MTSS1: variants seen among roughly 807,000 people sequenced by gnomAD.
The protein encoded by MTSS1 is protein MTSS 1.
A neutral mutation model predicts 79.0 loss-of-function variants in MTSS1; 18 were observed. That is an observed-to-expected ratio of 0.23 (90% confidence interval 0.16 to 0.34). The LOEUF (loss-of-function observed/expected upper bound fraction) is 0.34, where lower values mean the gene tolerates loss of function less well. MTSS1 is among the 10% of genes least tolerant of loss of function. The pLI is 1.00. For synonymous variants in MTSS1, 341 were observed against 368.6 expected (o/e 0.93, Z 0.86); for missense variants, 815 against 986.2 (o/e 0.83, Z 2.33).
chr8:124,673,316 G>T (rs975043850), intron 3 of MTSS1: 1 of 151,824 alleles, frequency 6.6e-6, no homozygotes, highest in African/African-American at 2.4e-5. Flanking sequence ...CCGGGAGGTG[G>T]AGGTTGCAGT....
intron 3 of MTSS1, among the ~76,000 whole-genome samples, chr8:124,662,760 C>T (rs1472795770): frequency 6.6e-6 from 1 of 152,056 alleles, no homozygotes; most frequent in Admixed American, 6.5e-5. Context: ...TTTGTAAGTA[C>T]CAAGACTTCC....
At chr8:124,562,073 A>G (rs1444018058) in intron 10 of MTSS1, among the ~76,000 whole-genome samples, 5 of 152,210 alleles carry the variant, frequency 3.3e-5, no homozygotes, top group Non-Finnish European at 7.3e-5. Flanking sequence ...CAAGGCCGAC[A>G]CCAACCCAAT....
intron 3 of MTSS1, among the ~76,000 whole-genome samples, chr8:124,608,839 C>T (rs906112025): frequency 1.3e-5 from 2 of 152,114 alleles, no homozygotes; most frequent in African/African-American, 4.8e-5. Flanking sequence ...AACCGCAGGA[C>T]AGTGGAAGGA....
chr8:124,618,780 C>A (rs1411318080), intron 3 of MTSS1, among the ~76,000 whole-genome samples: 2 of 152,130 alleles, frequency 1.3e-5, no homozygotes, highest in African/African-American at 2.4e-5. Context: ...TTCCCAGATA[C>A]TTGGAAAAAA....
Position 124,722,408 on chromosome 8 carries a change from C to T in MTSS1, c.72+5476G>A, listed in dbSNP as rs570169192. 2.6e-4 allele frequency among the ~76,000 whole-genome samples: 39 copies of T among 152,280 alleles called. 1 individual carries two copies. The South Asian group carries it at 5.6e-3, about 22-fold the overall frequency. The stretch of plus-strand genomic sequence containing the variant: ...AGCCTAGGACTTCCAGGTGTTGAGA[C>T]GGGGACTGCTCTGGAGTGGATTCTG... On this transcript the variant is annotated intron_variant, in intron 1 of 13. Coordinates refer to ENST00000518547, the MANE Select transcript of MTSS1 (RefSeq NM_014751.6).
At chr8:124,712,439 T>C (rs1469704124) in intron 1 of MTSS1, among the ~76,000 whole-genome samples, 1 of 152,202 alleles carries the variant, frequency 6.6e-6, no homozygotes, top group Non-Finnish European at 1.5e-5. Flanking sequence ...CTGGCCTCCC[T>C]GCTTCTTCAA....
chr8:124,646,572 T>G (rs1819032212), intron 3 of MTSS1, among the ~76,000 whole-genome samples: 1 of 152,162 alleles, frequency 6.6e-6, no homozygotes, highest in Non-Finnish European at 1.5e-5. Context: ...CCCTAGAAAC[T>G]TAAACTATTA....
intron 3 of MTSS1, among the ~76,000 whole-genome samples, chr8:124,622,769 G>C (rs1813839715): frequency 1.3e-5 from 2 of 150,006 alleles, no homozygotes; most frequent in South Asian, 4.3e-4. Flanking sequence ...CTCTAGCCTG[G>C]GCGGCAGAGC....
At chr8:124,696,496 T>A (rs1381822212) in intron 3 of MTSS1, among the ~76,000 whole-genome samples, 1 of 152,140 alleles carries the variant, frequency 6.6e-6, no homozygotes, top group Non-Finnish European at 1.5e-5. Flanking sequence ...GTAGCACGTA[T>A]GGATTTTAAA....
intron 3 of MTSS1, among the ~76,000 whole-genome samples, chr8:124,663,694 A>C (rs1822520068): frequency 6.6e-6 from 1 of 152,150 alleles, no homozygotes; most frequent in Non-Finnish European, 1.5e-5. Flanking sequence ...CAGACCCTCC[A>C]AATATCAGCT....
chr8:124,617,552 T>C (rs558683898), intron 3 of MTSS1, among the ~76,000 whole-genome samples: 2 of 152,266 alleles, frequency 1.3e-5, no homozygotes, highest in East Asian at 3.9e-4. Flanking sequence ...AAGAGAATAA[T>C]TTTTTATACG....
chr8:124,681,262 T>A (rs1218994524), intron 3 of MTSS1, among the ~76,000 whole-genome samples: 1 of 150,336 alleles, frequency 6.7e-6, no homozygotes, highest in Non-Finnish European at 1.5e-5. Context: ...CCACTCAGCA[T>A]CCCAGCGGCA....
chr8:124,557,506 G>A (rs1486890914), intron 11 of MTSS1, among the ~76,000 whole-genome samples, 175 bp downstream of exon 11: 3 of 152,198 alleles, frequency 2.0e-5, no homozygotes, highest in Admixed American at 6.5e-5. Context: ...TAGAGCTGCC[G>A]GCTGCTTTCT....
chr8:124,687,330 C>A (rs923208729), intron 3 of MTSS1, among the ~76,000 whole-genome samples: 1 of 152,114 alleles, frequency 6.6e-6, no homozygotes, highest in Non-Finnish European at 1.5e-5. Flanking sequence ...TTGGGTGGTG[C>A]GTTTACATGG....
chr8:124,643,137 A>G (rs772484882), intron 3 of MTSS1, among the ~76,000 whole-genome samples: 3 of 152,250 alleles, frequency 2.0e-5, no homozygotes, highest in Non-Finnish European at 4.4e-5. Context: ...AGTGTTAATA[A>G]GACTTCCAAA....
chr8:124,630,999 G>A (rs1442227326), intron 3 of MTSS1, among the ~76,000 whole-genome samples: 1 of 152,162 alleles, frequency 6.6e-6, no homozygotes, highest in African/African-American at 2.4e-5. Flanking sequence ...TCATCACTGA[G>A]ATAAAAAGTT....
chr8:124,709,346 G>C (rs1830828176), intron 1 of MTSS1, among the ~76,000 whole-genome samples: 1 of 151,860 alleles, frequency 6.6e-6, no homozygotes, highest in African/African-American at 2.4e-5. Flanking sequence ...CCCCATTTGA[G>C]GAAATCCCTC....
chr8:124,674,114 G>A (rs1246925648), intron 3 of MTSS1, among the ~76,000 whole-genome samples: 1 of 152,090 alleles, frequency 6.6e-6, no homozygotes, highest in Admixed American at 6.5e-5. Context: ...CTAAGGGGCA[G>A]GTACAGAATA....
At chr8:124,668,772 C>A (rs901436856) in intron 3 of MTSS1, among the ~76,000 whole-genome samples, 1 of 152,166 alleles carries the variant, frequency 6.6e-6, no homozygotes, top group African/African-American at 2.4e-5. Context: ...TTAGCTATAT[C>A]GACAGGATCT....
Sources: allele counts gnomAD v4.1 joint callset (sites outside exome capture counted in the v4.1 genomes callset), GRCh38; gene constraint gnomAD v4.1.1; transcripts MANE v1.5; gene names NCBI Gene and HGNC (gene_info 2026-07-23, HGNC 2026-07-21).